Variants in RHCE observed in about 807,000 individuals in gnomAD.
The protein encoded by RHCE is blood group Rh(CE) polypeptide.
RHCE carries 22 observed loss-of-function variants against 43.8 expected under a neutral mutation model. The ratio of observed to expected loss-of-function variants is 0.50; its 90% CI spans 0.36 to 0.72. RHCE has a LOEUF of 0.72. RHCE is among the 30% of genes least tolerant of loss of function. The pLI, the probability that RHCE is intolerant of heterozygous loss-of-function variation, is 0.00. For synonymous variants in RHCE, 156 were observed against 210.7 expected, an observed-to-expected ratio of 0.74 and a Z score of 2.25; for missense variants, 385 against 525.4, an observed-to-expected ratio of 0.73 and a Z score of 2.61.
At chr1:25,411,918 T>C (rs1647091765) in intron 1 of RHCE, among the ~76,000 whole-genome samples, 1 of 152,206 alleles carries the variant, frequency 6.6e-6, no homozygotes, top group Non-Finnish European at 1.5e-5. Context: ...CAATGCTATA[T>C]GCATAGGGTC....
At chr1:25,429,128 G>A (rs2042828032) in intron 1 of RHCE, 2 of 152,146 alleles carry the variant, frequency 1.3e-5, no homozygotes, top group South Asian at 4.1e-4. Context: ...GTTTCTCCCT[G>A]GGGTAGATGT....
At chr1:25,378,495 A>G (rs1239882411) in intron 7 of RHCE, among the ~76,000 whole-genome samples, 1 of 152,248 alleles carries the variant, frequency 6.6e-6, no homozygotes, top group Non-Finnish European at 1.5e-5. Flanking sequence ...ATCTTTTCTT[A>G]GATTCTCGAT....
intron 5 of RHCE, among the ~76,000 whole-genome samples, chr1:25,389,960 A>G (rs1397272538): frequency 6.6e-6 from 1 of 152,012 alleles, no homozygotes; most frequent in Non-Finnish European, 1.5e-5. Flanking sequence ...CATGGAACTC[A>G]TGGCCACTCA....
chr1:25,424,373 C>T (rs1248179070), upstream of RHCE, among the ~76,000 whole-genome samples: 1 of 152,016 alleles, frequency 6.6e-6, no homozygotes, highest in East Asian at 1.9e-4. Flanking sequence ...GGAAGTTTTC[C>T]CTGACTGCCC....
upstream of RHCE, among the ~76,000 whole-genome samples, chr1:25,421,445 T>C (rs1462637728): frequency 1.3e-5 from 2 of 152,104 alleles, no homozygotes; most frequent in African/African-American, 4.8e-5. Context: ...AGAAAGGAGA[T>C]GTGGGTTTGG....
chr1:25,377,568 T>G (rs1318360716), intron 7 of RHCE, among the ~76,000 whole-genome samples: 1 of 152,002 alleles, frequency 6.6e-6, no homozygotes, highest in Non-Finnish European at 1.5e-5. Context: ...ATATTAAAAT[T>G]AAGAACCTCC....
At chr1:25,389,676 T>A (rs980809762) in intron 5 of RHCE, among the ~76,000 whole-genome samples, 1 of 152,214 alleles carries the variant, frequency 6.6e-6, no homozygotes, top group African/African-American at 2.4e-5. Context: ...GCATAGAACA[T>A]GAATAAATGC....
intron 2 of RHCE, among the ~76,000 whole-genome samples, chr1:25,428,563 A>T (rs1325766871): frequency 1.3e-5 from 2 of 152,242 alleles, no homozygotes; most frequent in Non-Finnish European, 1.5e-5. Context: ...AAGGCATGAG[A>T]AACAAGTATA....
At chr1:25,373,331 T>G (rs1645671914) in intron 8 of RHCE, among the ~76,000 whole-genome samples, 1 of 151,680 alleles carries the variant, frequency 6.6e-6, no homozygotes. Context: ...GGTTGCCAAA[T>G]AAAATGCAGG....
chr1:25,399,294 T>A, intron 3 of RHCE: 1 of 832,560 alleles, frequency 1.2e-6, no homozygotes, highest in Non-Finnish European at 2.1e-6. Context: ...AAATAACAGA[T>A]AAGTCCATTG....
At chr1:25,374,248 C>G (rs991584834) in intron 8 of RHCE, among the ~76,000 whole-genome samples, 1 of 151,854 alleles carries the variant, frequency 6.6e-6, no homozygotes, top group Non-Finnish European at 1.5e-5. Context: ...ACCACCACGC[C>G]TGGCTAATTT....
chr1:25,362,267 TTAATAATGTGTCTGTAACCAAGAAAA>T lies in RHCE; in HGVS notation c.*234_*259del. 1 of 742,014 alleles carries T rather than the reference TTAATAATGTGTCTGTAACCAAGAAAA, an allele frequency of 1.3e-6. No individual in the cohort carries two copies. The highest frequency in any genetic ancestry group is 2.1e-6 in the Non-Finnish European group (1 of 467,542). 46.0% of individuals were successfully genotyped at this position (742,014 alleles called of 1,614,324 possible). Reference sequence around the variant, plus strand: ...TTGTCAATAAAATTAACCCAAAACTTTAATAATGTGTCTGTAACCAAGAAAATATTGATAGCATCATCCTAATGAAA... The same window carrying T: ...TTGTCAATAAAATTAACCCAAAACTTTATTGATAGCATCATCCTAATGAAA... On this transcript the variant is annotated 3_prime_UTR_variant, in exon 10 of 10. Coordinates refer to ENST00000294413, the MANE Select transcript of RHCE (RefSeq NM_020485.8).
At chr1:25,374,274 A>G (rs1318616251) in intron 8 of RHCE, among the ~76,000 whole-genome samples, 2 of 151,796 alleles carry the variant, frequency 1.3e-5, no homozygotes. Flanking sequence ...TTTTTAGTAG[A>G]GACAGGGTTT....
At chr1:25,372,026 G>A (rs1210882162) in intron 8 of RHCE, among the ~76,000 whole-genome samples, 1 of 151,460 alleles carries the variant, frequency 6.6e-6, no homozygotes, top group Non-Finnish European at 1.5e-5. Context: ...ACTCATCACT[G>A]AGGAATATCT....
chr1:25,393,134 T>C (rs977170174), intron 3 of RHCE, among the ~76,000 whole-genome samples: 3 of 152,240 alleles, frequency 2.0e-5, no homozygotes, highest in Non-Finnish European at 4.4e-5. Flanking sequence ...TGGAGAAAGC[T>C]GTCAGCTGTG....
Position 25,405,627 on chromosome 1 carries a change from C to A in RHCE, c.336-2881G>T, listed in dbSNP as rs183289351. 3.1e-3 allele frequency among the ~76,000 whole-genome samples: 263 copies of A among 85,118 alleles called. 67 individuals carry two copies. The highest frequency in any genetic ancestry group is 0.03 in the Admixed American group (218 of 7,258). 55.8% of individuals were successfully genotyped at this position (85,118 alleles called of 152,430 possible). A position where few individuals can be genotyped will look rare whatever the true frequency, so the allele number is the denominator to read the frequency against. On this transcript the variant is annotated intron_variant, in intron 2 of 9. Transcript: ENST00000294413. ...TATGATTGTACCACTGCACTCCAGA[C>A]TGGGCAACAGAGCAAGACCCTGTCT...
intron 1 of RHCE, among the ~76,000 whole-genome samples, chr1:25,415,248 T>C (rs1270832040): frequency 1.5e-4 from 23 of 152,174 alleles, no homozygotes; most frequent in Admixed American, 1.2e-3. Context: ...AGACCAGTAG[T>C]CATTACAGCA....
upstream of RHCE, chr1:25,421,029 T>C (rs1231833581): frequency 3.7e-6 from 2 of 533,758 alleles, no homozygotes; most frequent in East Asian, 3.3e-5. Flanking sequence ...GCTGTGTTCC[T>C]GTTACAGGTT....
At chr1:25,397,368 G>A (rs1472401273) in intron 3 of RHCE, among the ~76,000 whole-genome samples, 2 of 150,868 alleles carry the variant, frequency 1.3e-5, no homozygotes, top group Non-Finnish European at 3.0e-5. Context: ...GTGGTGGTGT[G>A]TGCCTGTAAT....
Sources: allele counts gnomAD v4.1 joint callset (sites outside exome capture counted in the v4.1 genomes callset), GRCh38; gene constraint gnomAD v4.1.1; transcripts MANE v1.5; gene names NCBI Gene and HGNC (gene_info 2026-07-23, HGNC 2026-07-21).